Variants in RASGRP1 observed in about 807,000 individuals in gnomAD.
RASGRP1 encodes RAS guanyl releasing protein 1, also known as RAS guanyl-releasing protein 1.
RASGRP1 carries 37 observed loss-of-function variants against 95.1 expected under a neutral mutation model. The observed-to-expected ratio is 0.39, with a 90% CI of 0.30 to 0.51. The LOEUF (loss-of-function observed/expected upper bound fraction) is 0.51, where lower values mean the gene tolerates loss of function less well. RASGRP1 is among the 20% of genes least tolerant of loss of function. The probability of loss-of-function intolerance (pLI) is 0.80; values close to 1 mark genes in which losing one functional copy is unlikely to be tolerated. For synonymous variants in RASGRP1, 325 were observed against 353.4 expected (o/e 0.92, Z 0.90); for missense variants, 711 against 965.4 (o/e 0.74, Z 3.49).
In RASGRP1 at chr15:38,494,390, G is replaced by A; in HGVS notation, c.2251C>T (p.Leu751=). Reference sequence around the variant, plus strand: ...AATGAAAAGGAAGGTACCTGTTCCAGTTCTTGGTAGGTAGGCAGTCTGAGG... The same window carrying A: ...AATGAAAAGGAAGGTACCTGTTCCAATTCTTGGTAGGTAGGCAGTCTGAGG... ...RHLRLPTYQE[L]EQEINTLKAD... is the part of the protein sequence containing the mutation. Residue 751 remains leucine (L), a synonymous_variant, in exon 16 of 17, where the codon CTG becomes TTG. Transcript: ENST00000310803. 1 of 1,613,920 alleles carries A rather than the reference G, an allele frequency of 6.2e-7. No homozygotes were observed. Among genetic ancestry groups the A allele is most frequent in the Non-Finnish European group, 8.5e-7 (1 of 1,179,880 alleles).
chr15:38,534,225 T>C (rs1892550122), intron 2 of RASGRP1: 1 of 152,262 alleles, frequency 6.6e-6, no homozygotes, highest in Non-Finnish European at 1.5e-5. Context: ...CTCAGAGAAA[T>C]CCACATTGCA....
chr15:38,515,910 A>AGAGAGAGAGTGTGT (rs779224083), intron 6 of RASGRP1, among the ~76,000 whole-genome samples: 2 of 143,462 alleles, frequency 1.4e-5, no homozygotes, highest in African/African-American at 2.6e-5. Flanking sequence ...AGAGAGAGAG[A>AGAGAGAGAGTGTGT]GTGTGTGTGT....
chr15:38,504,992 C>T (rs912142108), intron 10 of RASGRP1: 1 of 152,100 alleles, frequency 6.6e-6, no homozygotes, highest in Non-Finnish European at 1.5e-5. Context: ...CAGAATGTAC[C>T]CTTTCCATTG....
intron 2 of RASGRP1, among the ~76,000 whole-genome samples, chr15:38,543,343 C>T (rs1054536668): frequency 1.3e-5 from 2 of 152,078 alleles, no homozygotes; most frequent in Admixed American, 1.3e-4. Context: ...GATCAACTGA[C>T]CGTATATGTA....
intron 2 of RASGRP1, among the ~76,000 whole-genome samples, chr15:38,533,038 C>T (rs770268143): frequency 2.6e-5 from 4 of 152,144 alleles, no homozygotes; most frequent in Non-Finnish European, 4.4e-5. Flanking sequence ...TGAAAACAAA[C>T]GTCCAGCACC....
intron 7 of RASGRP1, 86 bp from the exon 8 acceptor site, chr15:38,511,806 CG>C: frequency 2.1e-6 from 2 of 950,580 alleles, no homozygotes; most frequent in Non-Finnish European, 3.3e-6. Flanking sequence ...GTCTCTGTGC[CG>C]TGAGTCTCCC....
At chr15:38,504,498 A>AT (rs1442987050) in intron 10 of RASGRP1, 2 of 152,142 alleles carry the variant, frequency 1.3e-5, no homozygotes, top group Non-Finnish European at 2.9e-5. Context: ...GCCTATGTCT[A>AT]TATAGAGTCA....
At chr15:38,525,579 T>C (rs1158446622) in intron 3 of RASGRP1, among the ~76,000 whole-genome samples, 2 of 152,150 alleles carry the variant, frequency 1.3e-5, no homozygotes, top group Non-Finnish European at 2.9e-5. Flanking sequence ...ATTTTTTCTG[T>C]GTGCTGTAAG....
At chr15:38,514,414 C>T (rs1001729170) in intron 6 of RASGRP1, among the ~76,000 whole-genome samples, 1 of 152,084 alleles carries the variant, frequency 6.6e-6, no homozygotes, top group Admixed American at 6.6e-5. Flanking sequence ...TAATACCCCC[C>T]TCCCACTATA....
intron 10 of RASGRP1, chr15:38,503,813 CTTTTCT>C (rs1188045818): frequency 4.6e-6 from 1 of 218,818 alleles, no homozygotes; most frequent in East Asian, 1.5e-4. Flanking sequence ...TGGACAAGCT[CTTTTCT>C]AAATACAGTC....
In RASGRP1 at chr15:38,498,954, C is replaced by G; in HGVS notation, c.1721-8G>C. 1 of 1,613,994 alleles carries G rather than the reference C, an allele frequency of 6.2e-7. No individual in the cohort carries two copies. The highest frequency in any genetic ancestry group is 8.5e-7 in the Non-Finnish European group (1 of 1,179,874). On this transcript the variant is annotated splice_region_variant and splice_polypyrimidine_tract_variant and intron_variant, in intron 14 of 16. Coordinates refer to ENST00000310803, the MANE Select transcript of RASGRP1 (RefSeq NM_005739.4). ...GACAGTTCATCCCGCAGTCTGTGGA[C>G]AAGACATCCTGGGTCAAGAAGTCTT...
intron 3 of RASGRP1, among the ~76,000 whole-genome samples, chr15:38,521,743 G>A (rs1311242626): frequency 6.6e-6 from 1 of 152,060 alleles, no homozygotes; most frequent in Non-Finnish European, 1.5e-5. Context: ...GTACAGTTCT[G>A]ACTGTACTTT....
chr15:38,517,718 C>A (rs1408560614), intron 5 of RASGRP1, among the ~76,000 whole-genome samples: 1 of 152,156 alleles, frequency 6.6e-6, no homozygotes, highest in African/African-American at 2.4e-5. Context: ...ACTGTGAAAA[C>A]CCTGGCATAC....
chr15:38,524,605 G>A (rs1892130053), intron 3 of RASGRP1, among the ~76,000 whole-genome samples: 1 of 152,204 alleles, frequency 6.6e-6, no homozygotes, highest in African/African-American at 2.4e-5. Context: ...GACATCAGAG[G>A]AAAGTTCGAA....
At chr15:38,521,730 C>T (rs1465416544) in intron 3 of RASGRP1, among the ~76,000 whole-genome samples, 1 of 152,130 alleles carries the variant, frequency 6.6e-6, no homozygotes, top group African/African-American at 2.4e-5. Flanking sequence ...CTATAAAGTA[C>T]CAGTACAGTT....
chr15:38,511,947 T>G (rs1466928988), intron 7 of RASGRP1, among the ~76,000 whole-genome samples: 1 of 152,238 alleles, frequency 6.6e-6, no homozygotes, highest in Non-Finnish European at 1.5e-5. Context: ...GTTGCTGATC[T>G]GTGGACCACC....
intron 15 of RASGRP1, 97 bp downstream of exon 15, chr15:38,498,697 A>G (rs1890894373): frequency 1.4e-6 from 2 of 1,456,060 alleles, no homozygotes; most frequent in African/African-American, 1.4e-5. Flanking sequence ...GGTTACATTT[A>G]AACTCAAACA....
At chr15:38,559,569 T>C (rs1893721345) in intron 2 of RASGRP1, among the ~76,000 whole-genome samples, 1 of 152,152 alleles carries the variant, frequency 6.6e-6, no homozygotes, top group Non-Finnish European at 1.5e-5. Context: ...AAGAAAAACC[T>C]CCATCCTAAG....
rs754225038 is a variant in RASGRP1, at chr15:38,502,364, C to T, written c.1486G>A (p.Glu496Lys). The T allele has an allele frequency of 6.2e-7, 1 of 1,607,234 alleles. No homozygotes were observed. ...AATGGAAAACTCGCAGCAATCTTTT[C>T]AAATTCTTCCTGAGAAATGTATCCA... is the stretch of plus-strand genomic sequence containing the variant. Reference protein sequence around the residue: ...QDGYISQEEFEKIAASFPFSF... With the variant: ...QDGYISQEEFKKIAASFPFSF... Residue 496 changes from glutamate (E) to lysine (K), a missense_variant, in exon 12 of 17, where the codon GAA becomes AAA. Around this residue, in one of 3 missense-constraint regions of RASGRP1, gnomAD observed 491 missense variants for 676.6 expected, o/e 0.73. Transcript: ENST00000310803.
Sources: allele counts gnomAD v4.1 joint callset (sites outside exome capture counted in the v4.1 genomes callset), GRCh38; gene constraint gnomAD v4.1.1; regional missense constraint gnomAD v4.1.1; transcripts MANE v1.5; gene names NCBI Gene and HGNC (gene_info 2026-07-23, HGNC 2026-07-21).